The following FADS2 variants were observed in gnomAD, a reference collection of about 807,000 sequenced individuals.
FADS2 encodes acyl-CoA 6-desaturase.
FADS2 carries 18 observed loss-of-function variants against 61.2 expected under a neutral mutation model. The observed-to-expected ratio is 0.29, with a 90% CI of 0.20 to 0.44. FADS2 has a LOEUF of 0.44. Among genes scored for constraint, FADS2 ranks in the 20% least tolerant of loss-of-function variants. The pLI is 1.00. For missense variants in FADS2, 322 were observed against 572.7 expected, an observed-to-expected ratio of 0.56 and a Z score of 4.47; for synonymous variants, 203 against 223.9, an observed-to-expected ratio of 0.91 and a Z score of 0.83.
chr11:61,821,485 A>G, intron 1 of FADS2: 1 of 696,308 alleles, frequency 1.4e-6, no homozygotes, highest in Non-Finnish European at 2.6e-6. Context: ...TCAAATTTTG[A>G]TCCATTTTAA....
upstream of FADS2, chr11:61,825,966 A>G: frequency 1.5e-6 from 1 of 662,596 alleles, no homozygotes; most frequent in Admixed American, 2.1e-5. Flanking sequence ...TTCTCTCTTA[A>G]TTCAGGCCTC....
upstream of FADS2, chr11:61,826,468 C>T (rs1241941872): frequency 3.0e-6 from 2 of 657,576 alleles, no homozygotes; most frequent in African/African-American, 3.6e-5. Flanking sequence ...CCGAGCTCCA[C>T]ACCCTTTACA....
chr11:61,818,913 C>T (rs895664947), intron 1 of FADS2, among the ~76,000 whole-genome samples: 1 of 151,848 alleles, frequency 6.6e-6, no homozygotes, highest in Non-Finnish European at 1.5e-5. Flanking sequence ...CTCTGTCGCC[C>T]AGGCTGGAGT....
At chr11:61,825,630 A>G (rs578028068), upstream of FADS2, among the ~76,000 whole-genome samples, 5 of 142,214 alleles carry the variant, frequency 3.5e-5, no homozygotes, top group African/African-American at 7.9e-5. Context: ...AAAAAAAAAA[A>G]AAAGAAAGAA....
intron 1 of FADS2, among the ~76,000 whole-genome samples, chr11:61,830,478 A>G (rs1244696553): frequency 6.6e-6 from 1 of 152,204 alleles, no homozygotes; most frequent in East Asian, 1.9e-4. Flanking sequence ...CAGTGCTCAC[A>G]TCTCTCCTAA....
intron 6 of FADS2, 76 bp downstream of exon 6, chr11:61,857,147 G>C: frequency 8.0e-7 from 1 of 1,257,124 alleles, no homozygotes; most frequent in South Asian, 1.2e-5. Context: ...CCTCCTACCT[G>C]ACATCTTTTT....
At chr11:61,853,290 CCCTTCCTTCCTT>C (rs59872671) in intron 5 of FADS2, among the ~76,000 whole-genome samples, 93 of 81,694 alleles carry the variant, frequency 1.1e-3, no homozygotes, top group Middle Eastern at 5.4e-3. Context: ...CTCCCTCCCT[CCCTTCCTTCCTT>C]CCTTCCTTCC....
chr11:61,865,721 G>A lies in FADS2; in HGVS notation c.*32G>A, dbSNP rs1332562002. 3 of 1,589,264 alleles carry A rather than the reference G, an allele frequency of 1.9e-6. No individual in the cohort carries two copies. Among genetic ancestry groups the A allele is most frequent in the South Asian group, 1.1e-5 (1 of 89,104 alleles). On this transcript the variant is annotated 3_prime_UTR_variant, in exon 12 of 12. Coordinates refer to ENST00000278840, the MANE Select transcript of FADS2 (RefSeq NM_004265.4). This position sits in a 1 kb window ranked among gnomAD's most constrained non-coding sequence, Gnocchi z 4.1. ...AGCCCCCGGGACACCGTGGGGAAGG[G>A]GTGCAGGTGGGGTGATGGCCAGAGG...
intron 4 of FADS2, among the ~76,000 whole-genome samples, chr11:61,844,460 A>T (rs1281682662): frequency 6.6e-6 from 1 of 152,096 alleles, no homozygotes; most frequent in Non-Finnish European, 1.5e-5. Context: ...AAGACAGGAG[A>T]ATCACTTGAA....
chr11:61,851,718 G>A (rs1036696393), intron 5 of FADS2, among the ~76,000 whole-genome samples: 3 of 152,208 alleles, frequency 2.0e-5, no homozygotes, highest in Non-Finnish European at 4.4e-5. Context: ...ATGCCGGCCA[G>A]GGCTTCTATC....
chr11:61,834,283 C>T (rs975379591), intron 1 of FADS2, among the ~76,000 whole-genome samples: 20 of 152,192 alleles, frequency 1.3e-4, no homozygotes, highest in African/African-American at 2.4e-4. Flanking sequence ...TTTTCTAAAA[C>T]GGCAGGAAGC....
At chr11:61,821,865 G>A (rs1042486903) in intron 1 of FADS2, among the ~76,000 whole-genome samples, 5 of 152,242 alleles carry the variant, frequency 3.3e-5, no homozygotes, top group African/African-American at 7.2e-5. Flanking sequence ...GAGGCAGAGC[G>A]AGAGCTAGAA....
intron 4 of FADS2, among the ~76,000 whole-genome samples, chr11:61,846,150 G>A (rs1384453206): frequency 5.5e-5 from 3 of 54,734 alleles, no homozygotes; most frequent in African/African-American, 1.4e-4. Flanking sequence ...TTTTTTTTTT[G>A]AGACAGACTC....
intron 5 of FADS2, among the ~76,000 whole-genome samples, chr11:61,850,672 T>TA (rs1250350178): frequency 6.6e-6 from 1 of 152,132 alleles, no homozygotes; most frequent in African/African-American, 2.4e-5. Flanking sequence ...AAAAAATAAA[T>TA]ATATGCGCTG....
chr11:61,822,488 C>A (rs1048565989), intron 1 of FADS2, among the ~76,000 whole-genome samples: 3 of 152,320 alleles, frequency 2.0e-5, no homozygotes, highest in Admixed American at 6.5e-5. Flanking sequence ...TATAAGGCCA[C>A]CCTGGTTCAA....
intron 7 of FADS2, among the ~76,000 whole-genome samples, chr11:61,861,673 G>A (rs2067417949): frequency 6.6e-6 from 1 of 152,232 alleles, no homozygotes; most frequent in Admixed American, 6.5e-5. Flanking sequence ...CTCGGCCAAT[G>A]TTGGCCCCAA....
intron 4 of FADS2, among the ~76,000 whole-genome samples, chr11:61,841,036 G>A (rs566372152): frequency 2.6e-5 from 4 of 151,798 alleles, no homozygotes; most frequent in Admixed American, 2.6e-4. Context: ...TTTTTGTTTG[G>A]GGACAGTAAA....
At chr11:61,856,783 T>C (rs745545928) in intron 5 of FADS2, 3 of 561,182 alleles carry the variant, frequency 5.3e-6, no homozygotes, top group Non-Finnish European at 9.5e-6. Context: ...ATCGGGCCAG[T>C]GCTCGGCTAG....
upstream of FADS2, among the ~76,000 whole-genome samples, chr11:61,825,355 C>T (rs2067075561): frequency 1.3e-5 from 2 of 152,192 alleles, no homozygotes; most frequent in East Asian, 1.9e-4. Context: ...GGGTGGCTCA[C>T]GCCTGTAATC....
Sources: gnomAD v4.1 joint callset for allele counts (sites outside exome capture counted in the v4.1 genomes callset) on GRCh38, gnomAD v4.1.1 for gene constraint, Gnocchi (gnomAD v3.1) non-coding constraint, MANE v1.5 for transcripts, NCBI Gene and HGNC (gene_info 2026-07-23, HGNC 2026-07-21) for gene names.